The following PKDCC variants were observed in gnomAD, a reference collection of about 807,000 sequenced individuals.
PKDCC encodes the protein extracellular tyrosine-protein kinase PKDCC.
In PKDCC, 35 loss-of-function variants were observed where a neutral mutation model predicts 44.7. That is an observed-to-expected ratio of 0.78 (90% CI 0.60 to 1.04). The LOEUF is 1.04. PKDCC is among the 50% of genes least tolerant of loss of function. PKDCC has a pLI of 0.00. For missense variants in PKDCC, 738 were observed against 672.7 expected, an observed-to-expected ratio of 1.10 and a Z score of -1.07; for synonymous variants, 353 against 303.3, an observed-to-expected ratio of 1.16 and a Z score of -1.70.
Position 42,054,956 on chromosome 2 carries a change from C to T in PKDCC, c.1050C>T (p.Tyr350=), listed in dbSNP as rs1362797380. 1.2e-6 allele frequency: 2 copies of T among 1,613,888 alleles called. No individual in the cohort carries two copies. Among genetic ancestry groups the T allele is most frequent in the Non-Finnish European group, 1.7e-6 (2 of 1,179,900 alleles). The part of the protein sequence containing the change: ...LYNAYRFFFT[Y]LLPHSAPPSL... ...TCTGCCACAGGTTTTTCTTCACATA[C>T]CTCCTGCCTCACAGTGCCCCGCCTT... Residue 350 remains tyrosine, a synonymous_variant, in exon 4 of 7, where the codon TAC becomes TAT. Coordinates refer to ENST00000294964, the MANE Select transcript of PKDCC (RefSeq NM_138370.3). The surrounding 1 kb of genome is among the most constrained non-coding windows in gnomAD (Gnocchi z 6.1).
In PKDCC at chr2:42,054,765, G is replaced by C; in HGVS notation, c.1035-176G>C. ...TAGTATGAAGTTAGGTGTGGTGTTAGCATGTGCCCAGAACCCTCCCCCGAG... is the reference window on the plus strand; with the variant it reads ...TAGTATGAAGTTAGGTGTGGTGTTACCATGTGCCCAGAACCCTCCCCCGAG... On this transcript the variant is annotated intron_variant, in intron 3 of 6. Transcript: ENST00000294964. This position sits in a 1 kb window ranked among gnomAD's most constrained non-coding sequence, Gnocchi z 6.1. 1.4e-6 allele frequency: 1 copy of C among 692,940 alleles called. No individual in the cohort carries two copies. The highest frequency in any genetic ancestry group is 1.7e-5 in the South Asian group (1 of 59,668). 42.9% of individuals were successfully genotyped at this position (692,940 alleles called of 1,614,324 possible). A position where few individuals can be genotyped will look rare whatever the true frequency, so the allele number is the denominator to read the frequency against.
At position 42,048,839 on chromosome 2, in the gene PKDCC, G is replaced by C; in HGVS notation, c.639+1G>C. On this transcript the variant is annotated splice_donor_variant, in intron 1 of 6. Transcript: ENST00000294964. LOFTEE classifies it high-confidence loss of function. This position sits in a 1 kb window ranked among gnomAD's most constrained non-coding sequence, Gnocchi z 6.2. Reference sequence around the variant, plus strand: ...GCTGCGGCACCCCAACGTGCTGCAGGTACGAGGGTGGGGACGCGGGGGTAA... The same window carrying C: ...GCTGCGGCACCCCAACGTGCTGCAGCTACGAGGGTGGGGACGCGGGGGTAA... The C allele has an allele frequency of 6.9e-7, 1 of 1,457,710 alleles. No homozygotes were observed. The highest frequency in any genetic ancestry group is 9.1e-7 in the Non-Finnish European group (1 of 1,097,540). The allele number at this position is 1,457,710 out of a possible 1,614,324, so 90.3% of individuals were successfully genotyped here.
In PKDCC at chr2:42,051,071, G is replaced by C. The variant is rs1319376112; in HGVS notation, c.640-2168G>C. ...ATTTCTAGAGTTCCTAGTGGTGCAG[G>C]CTCACCACCCTCCCTCTCTGAGCAG... On this transcript the variant is annotated intron_variant, in intron 1 of 6. Coordinates refer to ENST00000294964, the MANE Select transcript of PKDCC (RefSeq NM_138370.3). The surrounding 1 kb of genome is among the most constrained non-coding windows in gnomAD (Gnocchi z 4.2). 1.3e-5 allele frequency among the ~76,000 whole-genome samples: 2 copies of C among 152,216 alleles called. No individual in the cohort carries two copies. The highest frequency in any genetic ancestry group is 2.9e-5 in the Non-Finnish European group (2 of 68,000).
Position 42,048,657 on chromosome 2 carries a change from A to G in PKDCC, c.458A>G (p.Tyr153Cys). 6.5e-7 allele frequency: 1 copy of G among 1,545,382 alleles called. No homozygotes were observed. ...GGCTCAGGCTACACCAAGGCCGTGT[A>G]CCGGGTCCGCCTGCCCGGCGGTGCC... is the stretch of plus-strand genomic sequence containing the variant. ...YMGSGYTKAV[Y>C]RVRLPGGAAV... The change falls in exon 1 of 7, where the codon TAC (tyrosine) becomes TGC (cysteine). Residue 153 changes from tyrosine to cysteine, a missense_variant. Coordinates refer to ENST00000294964, the MANE Select transcript of PKDCC (RefSeq NM_138370.3). This position sits in a 1 kb window ranked among gnomAD's most constrained non-coding sequence, Gnocchi z 6.2.
Position 42,053,222 on chromosome 2 carries a change from C to T in PKDCC, c.640-17C>T. On this transcript the variant is annotated splice_polypyrimidine_tract_variant and intron_variant, in intron 1 of 6. Transcript: ENST00000294964. ...CCCCACCCTGTGACCTAATGACCTG[C>T]CCTCGGCTTTCCCCAGCTCTATGGC... 6.3e-7 allele frequency: 1 copy of T among 1,579,922 alleles called. No homozygotes were observed. Among genetic ancestry groups the T allele is most frequent in the Admixed American group, 1.8e-5 (1 of 56,554 alleles).
rs534585300 is a variant in PKDCC at position 42,054,479 on chromosome 2, G to A, written c.1034+172G>A. Reference sequence around the variant, plus strand: ...GAACATTCAGGCCTCTGATGGAGAGGCTAAAAATAGACAGCTCCAAGGAGA... The same window carrying A: ...GAACATTCAGGCCTCTGATGGAGAGACTAAAAATAGACAGCTCCAAGGAGA... On this transcript the variant is annotated intron_variant, in intron 3 of 6. Transcript: ENST00000294964. The surrounding 1 kb of genome is among the most constrained non-coding windows in gnomAD (Gnocchi z 6.1). The A allele has an allele frequency of 2.3e-5, 18 of 770,926 alleles. No homozygotes were observed. The Admixed American group carries it at 5.0e-4, about 21-fold the overall frequency. 47.8% of individuals were successfully genotyped at this position (770,926 alleles called of 1,614,324 possible). A position where few individuals can be genotyped will look rare whatever the true frequency, so the allele number is the denominator to read the frequency against.
At position 42,055,225 on chromosome 2, in the gene PKDCC, C is replaced by T; in HGVS notation, c.1115-61C>T. On this transcript the variant is annotated intron_variant, in intron 4 of 6. Transcript: ENST00000294964. This position sits in a 1 kb window ranked among gnomAD's most constrained non-coding sequence, Gnocchi z 4.5. ...AGGCAGAGGTGGGAGCAGCTGGCTG[C>T]TGACTTCAGGGAGGAGTGGGAGCCC... is the stretch of plus-strand genomic sequence containing the variant. 6.7e-7 allele frequency: 1 copy of T among 1,499,004 alleles called. No individual in the cohort carries two copies. Among genetic ancestry groups the T allele is most frequent in the South Asian group, 1.2e-5 (1 of 83,610 alleles). The allele number at this position is 1,499,004 out of a possible 1,614,324, so 92.9% of individuals were successfully genotyped here.
chr2:42,057,230 G>C lies in PKDCC; in HGVS notation c.1232G>C (p.Cys411Ser). 2 of 1,614,194 alleles carry C rather than the reference G, an allele frequency of 1.2e-6. No individual in the cohort carries two copies. The highest frequency in any genetic ancestry group is 1.7e-6 in the Non-Finnish European group (2 of 1,180,014). ...STASSSTEYQ[C>S]IPDSTIPQED... ...CATCCCCAACCCACAGAGTACCAGT[G>C]TATCCCAGACAGCACCATCCCCCAG... Residue 411 changes from cysteine (C) to serine (S), a missense_variant, in exon 6 of 7, where the codon TGT becomes TCT. Physicochemically the swap from Cys to Ser is moderately radical, Grantham distance 112 (BLOSUM62 -1). Coordinates refer to ENST00000294964, the MANE Select transcript of PKDCC (RefSeq NM_138370.3).
Position 42,048,367 on chromosome 2 carries a change from G to A in PKDCC, c.168G>A (p.Leu56=). The A allele has an allele frequency of 8.6e-7, 1 of 1,164,012 alleles. No individual in the cohort carries two copies. The highest frequency in any genetic ancestry group is 1.1e-6 in the Non-Finnish European group (1 of 945,408). 72.1% of individuals were successfully genotyped at this position (1,164,012 alleles called of 1,614,324 possible). A position where few individuals can be genotyped will look rare whatever the true frequency, so the allele number is the denominator to read the frequency against. The change falls in exon 1 of 7, where the codon CTG becomes CTA. Residue 56 remains leucine (L), a synonymous_variant. Coordinates refer to ENST00000294964, the MANE Select transcript of PKDCC (RefSeq NM_138370.3). The surrounding 1 kb of genome is among the most constrained non-coding windows in gnomAD (Gnocchi z 6.2). The part of the protein sequence containing the change: ...GPGRRGGRGE[L]ARQIRARYEE... ...GCCGTCGCGGGGGCCGCGGGGAGCT[G>A]GCCCGGCAGATCCGGGCGCGCTACG... is the stretch of plus-strand genomic sequence containing the variant.
rs1273230829 is a variant in PKDCC at position 42,054,233 on chromosome 2, C to T, written c.960C>T (p.Asn320=). The T allele has an allele frequency of 1.2e-5, 19 of 1,604,178 alleles. No homozygotes were observed. The highest frequency in any genetic ancestry group is 1.6e-5 in the Non-Finnish European group (19 of 1,175,004). The change falls in exon 3 of 7, where the codon AAC becomes AAT. Residue 320 remains asparagine (N), a synonymous_variant. Transcript: ENST00000294964. This position sits in a 1 kb window ranked among gnomAD's most constrained non-coding sequence, Gnocchi z 6.1. ...GCATACTCGAGTTTCCGGCCAGGAA[C>T]TTCACCCTGCCCTGCTCAGCCCAGG... ...TDCILEFPAR[N]FTLPCSAQGW...
rs1023759114 is a variant in PKDCC, at chr2:42,054,810, G to A, written c.1035-131G>A. The stretch of plus-strand genomic sequence containing the variant: ...CCCGAGGCTGAGTAGACTTCACTGC[G>A]TTCTGCCTGGTTGCTAGGCCTGAGG... On this transcript the variant is annotated intron_variant, in intron 3 of 6. Coordinates refer to ENST00000294964, the MANE Select transcript of PKDCC (RefSeq NM_138370.3). This position sits in a 1 kb window ranked among gnomAD's most constrained non-coding sequence, Gnocchi z 6.1. The A allele has an allele frequency of 1.3e-5, 11 of 845,792 alleles. No individual in the cohort carries two copies. Among genetic ancestry groups the A allele is most frequent in the South Asian group, 2.9e-5 (2 of 67,846 alleles). The allele number at this position is 845,792 out of a possible 1,614,324, so 52.4% of individuals were successfully genotyped here.
At position 42,048,405 on chromosome 2, in the gene PKDCC, G is replaced by C. The variant is rs939786340; in HGVS notation, c.206G>C (p.Arg69Pro). The C allele has an allele frequency of 6.9e-6, 8 of 1,154,424 alleles. No homozygotes were observed. The highest frequency in any genetic ancestry group is 8.4e-5 in the East Asian group (2 of 23,682). 71.5% of individuals were successfully genotyped at this position (1,154,424 alleles called of 1,614,324 possible). Reference protein sequence around the residue: ...QIRARYEEVQRYSRGGPGPGA... With the variant: ...QIRARYEEVQPYSRGGPGPGA... ...CGGGCGCGCTACGAGGAGGTGCAGCGCTATTCCCGCGGGGGCCCCGGGCCC... is the reference window on the plus strand; with the variant it reads ...CGGGCGCGCTACGAGGAGGTGCAGCCCTATTCCCGCGGGGGCCCCGGGCCC... The change falls in exon 1 of 7, where the codon CGC becomes CCC. Residue 69 changes from arginine (R) to proline (P), a missense_variant. Coordinates refer to ENST00000294964, the MANE Select transcript of PKDCC (RefSeq NM_138370.3). The surrounding 1 kb of genome is among the most constrained non-coding windows in gnomAD (Gnocchi z 6.2).
chr2:42,048,549 C>T lies in PKDCC; in HGVS notation c.350C>T (p.Pro117Leu). Reference sequence around the variant, plus strand: ...TCCGACGGCGCCCCAGGCTGGCCCCCGGCTCCCGGCCCAGGCTCCCCCGGC... The same window carrying T: ...TCCGACGGCGCCCCAGGCTGGCCCCTGGCTCCCGGCCCAGGCTCCCCCGGC... ...PLSDGAPGWP[P>L]APGPGSPGPG... Residue 117 changes from proline to leucine, a missense_variant, in exon 1 of 7, where the codon CCG becomes CTG. Pro to Leu is a moderately conservative substitution (Grantham distance 98). Coordinates refer to ENST00000294964, the MANE Select transcript of PKDCC (RefSeq NM_138370.3). This position sits in a 1 kb window ranked among gnomAD's most constrained non-coding sequence, Gnocchi z 6.2. 1.6e-6 allele frequency: 2 copies of T among 1,268,760 alleles called. No homozygotes were observed. Among genetic ancestry groups the T allele is most frequent in the African/African-American group, 1.6e-5 (1 of 63,952 alleles). 78.6% of individuals were successfully genotyped at this position (1,268,760 alleles called of 1,614,324 possible).
Position 42,055,565 on chromosome 2 carries a change from T to A in PKDCC, c.1222+172T>A, listed in dbSNP as rs567417175. The A allele has an allele frequency of 1.6e-6, 1 of 608,222 alleles. No homozygotes were observed. The highest frequency in any genetic ancestry group is 2.9e-6 in the Non-Finnish European group (1 of 343,758). 37.7% of individuals were successfully genotyped at this position (608,222 alleles called of 1,614,324 possible). A position where few individuals can be genotyped will look rare whatever the true frequency, so the allele number is the denominator to read the frequency against. ...GGGCTGACATGGACTAATTTGAGGT[T>A]CCATCTCTAGCTGAGCTAGAGCAAC... On this transcript the variant is annotated intron_variant, in intron 5 of 6. Coordinates refer to ENST00000294964, the MANE Select transcript of PKDCC (RefSeq NM_138370.3). This position sits in a 1 kb window ranked among gnomAD's most constrained non-coding sequence, Gnocchi z 4.5.
rs1668027683 is a variant in PKDCC at position 42,054,922 on chromosome 2, T to C, written c.1035-19T>C. 6.2e-7 allele frequency: 1 copy of C among 1,605,344 alleles called. No individual in the cohort carries two copies. The highest frequency in any genetic ancestry group is 8.5e-7 in the Non-Finnish European group (1 of 1,172,014). ...TCCAAAGGCTGGATTCCTGAGCCAC[T>C]GGTTTCCCTCTGCCACAGGTTTTTC... On this transcript the variant is annotated intron_variant, in intron 3 of 6. Transcript: ENST00000294964. This position sits in a 1 kb window ranked among gnomAD's most constrained non-coding sequence, Gnocchi z 6.1.
Position 42,054,137 on chromosome 2 carries a change from T to A in PKDCC, c.864T>A (p.Asp288Glu). The A allele has an allele frequency of 6.2e-7, 1 of 1,613,308 alleles. No individual in the cohort carries two copies. The highest frequency in any genetic ancestry group is 8.5e-7 in the Non-Finnish European group (1 of 1,179,766). ...DFRPRQFVLV[D>E]GELKVTDLDD... The stretch of plus-strand genomic sequence containing the variant: ...GCCCTCGGCAGTTTGTGCTGGTGGA[T>A]GGGGAGCTCAAAGTGACGGACCTGG... Residue 288 changes from aspartate to glutamate, a missense_variant, in exon 3 of 7, where the codon GAT (aspartate) becomes GAA (glutamate). By Grantham distance (45) the Asp-to-Glu change is conservative (BLOSUM62 2). Coordinates refer to ENST00000294964, the MANE Select transcript of PKDCC (RefSeq NM_138370.3). The surrounding 1 kb of genome is among the most constrained non-coding windows in gnomAD (Gnocchi z 6.1).
At chr2:42,057,038 A>G (rs1432966046) in intron 5 of PKDCC, among the ~76,000 whole-genome samples, 183 bp from the exon 6 acceptor site, 3 of 152,188 alleles carry the variant, frequency 2.0e-5, no homozygotes, top group African/African-American at 7.2e-5. Context: ...CTTTGTCTTT[A>G]TTGAGCAGTC....
chr2:42,050,162 C>T (rs1289692170), intron 1 of PKDCC, among the ~76,000 whole-genome samples: 1 of 152,236 alleles, frequency 6.6e-6, no homozygotes, highest in East Asian at 1.9e-4. Context: ...GGGCCCCAAA[C>T]TGGTCTCAGG....
chr2:42,054,238 C>G lies in PKDCC; in HGVS notation c.965C>G (p.Thr322Ser). Residue 322 changes from threonine to serine, a missense_variant, in exon 3 of 7, where the codon ACC becomes AGC. Transcript: ENST00000294964. The surrounding 1 kb of genome is among the most constrained non-coding windows in gnomAD (Gnocchi z 6.1). ...CTCGAGTTTCCGGCCAGGAACTTCA[C>G]CCTGCCCTGCTCAGCCCAGGGCTGG... is the stretch of plus-strand genomic sequence containing the variant. ...CILEFPARNF[T>S]LPCSAQGWCE... 5 of 1,604,380 alleles carry G rather than the reference C, an allele frequency of 3.1e-6. No homozygotes were observed. The South Asian group carries it at 5.6e-5, about 18-fold the overall frequency.
Sources: gnomAD v4.1 joint callset for allele counts (sites outside exome capture counted in the v4.1 genomes callset) on GRCh38, gnomAD v4.1.1 for gene constraint, Gnocchi (gnomAD v3.1) non-coding constraint, MANE v1.5 for transcripts, NCBI Gene and HGNC (gene_info 2026-07-23, HGNC 2026-07-21) for gene names.